FCHO2: variants seen among roughly 807,000 people sequenced by gnomAD.
The protein encoded by FCHO2 is FCH and mu domain containing endocytic adaptor 2.
Under a neutral mutation model 114.1 loss-of-function variants are expected in FCHO2, and 43 were observed. The observed-to-expected ratio is 0.38, with a 90% CI of 0.30 to 0.49. The LOEUF (loss-of-function observed/expected upper bound fraction) is 0.49, where lower values mean the gene tolerates loss of function less well. Among genes scored for constraint, FCHO2 ranks in the 20% least tolerant of loss-of-function variants. The pLI, the probability that FCHO2 is intolerant of heterozygous loss-of-function variation, is 0.97. For missense variants in FCHO2, 807 were observed against 950.4 expected (o/e 0.85, Z 1.98); for synonymous variants, 293 against 315.2 (o/e 0.93, Z 0.75).
Position 73,088,291 on chromosome 5 carries a change from A to T in FCHO2, c.*201A>T. ...GAAATGATTCTCTATGTTGTAAATG[A>T]TCAACTACAATATTCAGGAAGCACA... On this transcript the variant is annotated 3_prime_UTR_variant, in exon 26 of 26. Coordinates refer to ENST00000430046, the MANE Select transcript of FCHO2 (RefSeq NM_138782.3). 1 of 605,558 alleles carries T rather than the reference A, an allele frequency of 1.7e-6. No homozygotes were observed. The highest frequency in any genetic ancestry group is 2.9e-6 in the Non-Finnish European group (1 of 350,646). 37.5% of individuals were successfully genotyped at this position (605,558 alleles called of 1,614,324 possible).
rs1350502217 is a variant in FCHO2 at position 73,006,563 on chromosome 5, G to A, written c.600+14G>A. 6.8e-7 allele frequency: 1 copy of A among 1,475,252 alleles called. No individual in the cohort carries two copies. Among genetic ancestry groups the A allele is most frequent in the Non-Finnish European group, 9.0e-7 (1 of 1,112,612 alleles). 91.4% of individuals were successfully genotyped at this position (1,475,252 alleles called of 1,614,324 possible). A position where few individuals can be genotyped will look rare whatever the true frequency, so the allele number is the denominator to read the frequency against. ...GAAACAGCTCAGGTTGGTATTTTAA[G>A]GCTTCAGATTGAAAACAGGGCATTT... On this transcript the variant is annotated intron_variant, in intron 6 of 25. Transcript: ENST00000430046.
intron 2 of FCHO2, among the ~76,000 whole-genome samples, chr5:72,970,134 T>G (rs2112608011): frequency 6.6e-6 from 1 of 152,328 alleles, no homozygotes; most frequent in South Asian, 2.1e-4. Flanking sequence ...GATCAGTTGT[T>G]ACCTCTTCTC....
intron 1 of FCHO2, 131 bp downstream of exon 1, chr5:72,956,260 C>T: frequency 7.9e-7 from 1 of 1,268,672 alleles, no homozygotes; most frequent in Non-Finnish European, 1.1e-6. Context: ...CCGCGTCCCG[C>T]CTGGGTGAGG....
intron 8 of FCHO2, among the ~76,000 whole-genome samples, chr5:73,023,411 G>GC (rs1219395321): frequency 6.6e-6 from 1 of 152,106 alleles, no homozygotes; most frequent in African/African-American, 2.4e-5. Context: ...TAAAATTAAT[G>GC]TAGTCCAAGG....
intron 17 of FCHO2, among the ~76,000 whole-genome samples, chr5:73,063,610 T>C (rs1258848655): frequency 6.6e-6 from 1 of 152,062 alleles, no homozygotes; most frequent in Non-Finnish European, 1.5e-5. Context: ...AAAATTTATA[T>C]GTGTCAGTTA....
At chr5:72,958,227 C>T (rs944132312) in intron 1 of FCHO2, among the ~76,000 whole-genome samples, 2 of 151,902 alleles carry the variant, frequency 1.3e-5, no homozygotes, top group Non-Finnish European at 2.9e-5. Flanking sequence ...ATTACTTGTG[C>T]TTTTATTGCA....
chr5:73,003,468 A>G (rs1186189772), intron 5 of FCHO2, among the ~76,000 whole-genome samples: 3 of 152,092 alleles, frequency 2.0e-5, no homozygotes, highest in Admixed American at 1.3e-4. Flanking sequence ...ATGTGCCACC[A>G]TGCCCGCCCA....
chr5:73,078,319 GT>G lies in FCHO2; in HGVS notation c.1980+8del. On this transcript the variant is annotated splice_region_variant and intron_variant, in intron 22 of 25. Coordinates refer to ENST00000430046, the MANE Select transcript of FCHO2 (RefSeq NM_138782.3). ...AGATGTATTAAAGTATCAGGTGAGTGTCACGACATTGCAAAAATTCTAAATT... is the reference window on the plus strand; with the variant it reads ...AGATGTATTAAAGTATCAGGTGAGTGCACGACATTGCAAAAATTCTAAATT... 6.3e-7 allele frequency: 1 copy of G among 1,581,412 alleles called. No individual in the cohort carries two copies. Among genetic ancestry groups the G allele is most frequent in the Non-Finnish European group, 8.6e-7 (1 of 1,168,964 alleles).
Position 73,017,280 on chromosome 5 carries a change from G to A in FCHO2, c.768G>A (p.Glu256=). 1 of 1,565,918 alleles carries A rather than the reference G, an allele frequency of 6.4e-7. No individual in the cohort carries two copies. The highest frequency in any genetic ancestry group is 8.7e-7 in the Non-Finnish European group (1 of 1,154,434). The change falls in exon 8 of 26, where the codon GAG becomes GAA. Residue 256 remains glutamate (E), a synonymous_variant. Transcript: ENST00000430046. ...AAAGTTTGATACAAAAATTTGCTGAGTCAAAAGGCACTGGGAAGGAAAGAC... is the reference window on the plus strand; with the variant it reads ...AAAGTTTGATACAAAAATTTGCTGAATCAAAAGGCACTGGGAAGGAAAGAC... The part of the protein sequence containing the change: ...TVESLIQKFA[E]SKGTGKERPG...
intron 8 of FCHO2, chr5:73,020,644 C>G: frequency 5.4e-6 from 5 of 932,684 alleles, no homozygotes; most frequent in Admixed American, 3.5e-5. Flanking sequence ...GGAGGACTTT[C>G]AAGTTCCAGT....
intron 2 of FCHO2, among the ~76,000 whole-genome samples, chr5:72,975,936 CT>C: frequency 6.6e-6 from 1 of 152,298 alleles, no homozygotes; most frequent in East Asian, 1.9e-4. Context: ...CAGTAAACAT[CT>C]GTGTGCAGGT....
chr5:73,071,655 A>G (rs1478986347), intron 19 of FCHO2, among the ~76,000 whole-genome samples: 1 of 152,116 alleles, frequency 6.6e-6, no homozygotes, highest in Admixed American at 6.6e-5. Context: ...ATAATACAGT[A>G]TAGTTTTAGA....
At chr5:72,968,676 G>C in intron 2 of FCHO2, 87 bp downstream of exon 2, 1 of 920,040 alleles carries the variant, frequency 1.1e-6, no homozygotes, top group Non-Finnish European at 1.6e-6. Flanking sequence ...AACTTTATTT[G>C]GATTTGGAAT....
chr5:72,957,996 GC>G (rs1435059378), intron 1 of FCHO2, among the ~76,000 whole-genome samples: 1 of 150,308 alleles, frequency 6.7e-6, no homozygotes, highest in Non-Finnish European at 1.5e-5. Context: ...TAGATTAATT[GC>G]CCATTTAAAA....
At chr5:72,993,275 T>C (rs1281345926) in intron 5 of FCHO2, among the ~76,000 whole-genome samples, 1 of 151,782 alleles carries the variant, frequency 6.6e-6, no homozygotes, top group Non-Finnish European at 1.5e-5. Context: ...TAAAAAGCAA[T>C]AGAGAAAAGA....
Position 73,088,552 on chromosome 5 carries a change from G to T in FCHO2, c.*462G>T. 6.1e-6 allele frequency: 1 copy of T among 164,886 alleles called. No homozygotes were observed. Among genetic ancestry groups the T allele is most frequent in the Non-Finnish European group, 1.3e-5 (1 of 74,982 alleles). The allele number at this position is 164,886 out of a possible 1,614,324, so 10.2% of individuals were successfully genotyped here. A position where few individuals can be genotyped will look rare whatever the true frequency, so the allele number is the denominator to read the frequency against. ...ACATGAATTCTAAGTTTTGGGTAAT[G>T]TTAACTCAGAACACTTAATCAAATT... is the stretch of plus-strand genomic sequence containing the variant. On this transcript the variant is annotated 3_prime_UTR_variant, in exon 26 of 26. Coordinates refer to ENST00000430046, the MANE Select transcript of FCHO2 (RefSeq NM_138782.3).
At chr5:73,070,432 A>G (rs996204323) in intron 19 of FCHO2, among the ~76,000 whole-genome samples, 1 of 152,044 alleles carries the variant, frequency 6.6e-6, no homozygotes, top group Non-Finnish European at 1.5e-5. Flanking sequence ...GGTTTAATGA[A>G]TACTTCATTT....
chr5:72,986,798 T>C (rs1580052724), intron 2 of FCHO2, among the ~76,000 whole-genome samples: 2 of 152,216 alleles, frequency 1.3e-5, no homozygotes, highest in South Asian at 4.1e-4. Context: ...GAAATTTGTT[T>C]ATGTTTTATA....
In FCHO2 at chr5:72,956,082, C is replaced by A; in HGVS notation, c.-15C>A. 6 of 1,538,988 alleles carry A rather than the reference C, an allele frequency of 3.9e-6. No homozygotes were observed. The highest frequency in any genetic ancestry group is 3.5e-6 in the Non-Finnish European group (4 of 1,141,940). On this transcript the variant is annotated 5_prime_UTR_variant, in exon 1 of 26. Transcript: ENST00000430046. The stretch of plus-strand genomic sequence containing the variant: ...GGGCGGGCGCGGACGCGGAACCCGG[C>A]GCGGCGGCGGCACGATGGTCATGGC...
Sources: allele counts gnomAD v4.1 joint callset (sites outside exome capture counted in the v4.1 genomes callset), GRCh38; gene constraint gnomAD v4.1.1; transcripts MANE v1.5; gene names NCBI Gene and HGNC (gene_info 2026-07-23, HGNC 2026-07-21).